AFG2A: variants seen among roughly 807,000 people sequenced by gnomAD.
AFG2A encodes the protein AAA ATPase AFG2A.
chr4:123,226,327 A>T, the AFG2A span, among the ~76,000 whole-genome samples: 1 of 152,210 alleles, frequency 6.6e-6, no homozygotes. Flanking sequence ...TTGCCCATTC[A>T]GTATGATATT....
At chr4:122,948,669 T>C in the AFG2A span, among the ~76,000 whole-genome samples, 1 of 152,130 alleles carries the variant, frequency 6.6e-6, no homozygotes, top group African/African-American at 2.4e-5. Flanking sequence ...CAGAACTTAC[T>C]TACAGGGCGG....
the AFG2A span, among the ~76,000 whole-genome samples, chr4:122,971,787 A>G: frequency 5.9e-5 from 9 of 152,272 alleles, no homozygotes; most frequent in African/African-American, 1.9e-4. Context: ...AGATAGTCAT[A>G]TGAACTCTTT....
chr4:122,991,485 A>G, the AFG2A span, among the ~76,000 whole-genome samples: 84 of 152,342 alleles, frequency 5.5e-4, no homozygotes, highest in African/African-American at 1.9e-3. Context: ...TCCTGTCCCA[A>G]TTGAAGTTTG....
At chr4:123,184,274 C>A in the AFG2A span, among the ~76,000 whole-genome samples, 1 of 152,226 alleles carries the variant, frequency 6.6e-6, no homozygotes, top group Non-Finnish European at 1.5e-5. Flanking sequence ...AAATAAGTAT[C>A]TATACACACT....
the AFG2A span, among the ~76,000 whole-genome samples, chr4:123,210,808 TC>T: frequency 6.6e-6 from 1 of 152,092 alleles, no homozygotes; most frequent in Non-Finnish European, 1.5e-5. Flanking sequence ...TAGTTGACAT[TC>T]CCATGTAGAA....
the AFG2A span, among the ~76,000 whole-genome samples, chr4:123,110,518 T>G: frequency 6.6e-6 from 1 of 152,324 alleles, no homozygotes; most frequent in East Asian, 1.9e-4. Context: ...CTACAGAAAA[T>G]TAATATTTGC....
chr4:123,197,440 A>G, the AFG2A span, among the ~76,000 whole-genome samples: 8 of 152,188 alleles, frequency 5.3e-5, no homozygotes, highest in Non-Finnish European at 1.2e-4. Flanking sequence ...CTCACTGACC[A>G]TGCTCTCTAG....
At chr4:123,130,184 A>T in the AFG2A span, among the ~76,000 whole-genome samples, 7 of 22,304 alleles carry the variant, frequency 3.1e-4, no homozygotes, top group East Asian at 0.056. Flanking sequence ...ATATATATAT[A>T]TTTTTTAATT....
the AFG2A span, among the ~76,000 whole-genome samples, chr4:123,053,271 G>T: frequency 6.6e-6 from 1 of 152,216 alleles, no homozygotes; most frequent in East Asian, 1.9e-4. Context: ...GATCTCTTTG[G>T]TTGATATGGC....
the AFG2A span, among the ~76,000 whole-genome samples, chr4:123,189,815 T>TTC: frequency 3.8e-5 from 5 of 132,478 alleles, no homozygotes; most frequent in African/African-American, 1.2e-4. Context: ...TTTGCTTTTT[T>TTC]TTTTTTTTTT....
At chr4:122,998,904 T>A in the AFG2A span, among the ~76,000 whole-genome samples, 12 of 152,208 alleles carry the variant, frequency 7.9e-5, no homozygotes, top group Non-Finnish European at 2.9e-5. Flanking sequence ...TCCACAATGG[T>A]TGAACTGGTT....
At chr4:123,106,290 T>C in the AFG2A span, among the ~76,000 whole-genome samples, 1 of 152,242 alleles carries the variant, frequency 6.6e-6, no homozygotes, top group Non-Finnish European at 1.5e-5. Context: ...TAGACTATCA[T>C]ATACTGTAAA....
the AFG2A span, among the ~76,000 whole-genome samples, chr4:122,978,834 C>T: frequency 2.0e-5 from 3 of 152,238 alleles, no homozygotes; most frequent in Non-Finnish European, 4.4e-5. Flanking sequence ...TGGCTTGGCT[C>T]AGCCTTAACT....
At chr4:123,149,564 G>T in the AFG2A span, among the ~76,000 whole-genome samples, 1 of 152,166 alleles carries the variant, frequency 6.6e-6, no homozygotes, top group African/African-American at 2.4e-5. Flanking sequence ...AATTATGCAT[G>T]TACATCAGAA....
At chr4:122,944,448 T>G in the AFG2A span, among the ~76,000 whole-genome samples, 2 of 152,226 alleles carry the variant, frequency 1.3e-5, no homozygotes, top group Non-Finnish European at 2.9e-5. Context: ...GGCTTTTGCA[T>G]TCTTCACGTA....
At chr4:123,110,242 A>G in the AFG2A span, among the ~76,000 whole-genome samples, 2 of 152,146 alleles carry the variant, frequency 1.3e-5, no homozygotes, top group African/African-American at 4.8e-5. Flanking sequence ...TCTTCCTTCC[A>G]GTTATATTCA....
the AFG2A span, among the ~76,000 whole-genome samples, chr4:123,060,358 T>G: frequency 6.6e-6 from 1 of 152,088 alleles, no homozygotes; most frequent in Non-Finnish European, 1.5e-5. Context: ...CTAGCAGAGG[T>G]TCTCATAAGG....
chr4:122,965,510 T>C, the AFG2A span, among the ~76,000 whole-genome samples: 10 of 152,346 alleles, frequency 6.6e-5, no homozygotes, highest in Admixed American at 5.9e-4. Flanking sequence ...TTTTCTTCCC[T>C]TCAAGGTATC....
At chr4:123,281,423 TA>T in the AFG2A span, among the ~76,000 whole-genome samples, 1 of 152,170 alleles carries the variant, frequency 6.6e-6, no homozygotes, top group Non-Finnish European at 1.5e-5. Flanking sequence ...ATGAACATCC[TA>T]ATCCAGAGAG....
Sources: allele counts gnomAD v4.1 joint callset (sites outside exome capture counted in the v4.1 genomes callset), GRCh38; gene constraint gnomAD v4.1.1; transcripts MANE v1.5; gene names NCBI Gene and HGNC (gene_info 2026-07-23, HGNC 2026-07-21).